Variants in STX3 observed in about 807,000 individuals in gnomAD.
STX3 encodes the protein syntaxin-3.
Under a neutral mutation model 40.2 loss-of-function variants are expected in STX3, and 19 were observed. The observed-to-expected ratio is 0.47, with a 90% CI of 0.33 to 0.69. The LOEUF (loss-of-function observed/expected upper bound fraction) is 0.69, where lower values mean the gene tolerates loss of function less well. STX3 is among the 30% of genes least tolerant of loss of function. STX3 has a pLI of 0.02. For missense variants in STX3, 364 were observed against 366.7 expected (o/e 0.99, Z 0.06); for synonymous variants, 122 against 132.2 (o/e 0.92, Z 0.53).
chr11:59,772,233 A>G (rs1863692842), intron 1 of STX3, among the ~76,000 whole-genome samples: 1 of 152,222 alleles, frequency 6.6e-6, no homozygotes, highest in African/African-American at 2.4e-5. Flanking sequence ...ACCTTTCACA[A>G]CAGTCAGTTC....
At chr11:59,781,644 A>G (rs1864389129) in intron 2 of STX3, 35 of 1,612,708 alleles carry the variant, frequency 2.2e-5, no homozygotes, top group Non-Finnish European at 2.9e-5. Flanking sequence ...TCCCACTCCT[A>G]GCTCCTTCAT....
At chr11:59,793,809 T>G (rs74752977) in intron 8 of STX3, among the ~76,000 whole-genome samples, 14,887 of 145,354 alleles carry the variant, frequency 0.1, 973 homozygotes, top group African/African-American at 0.19. Context: ...GATTTTTGAT[T>G]TTTTTTTTTT....
In STX3 at chr11:59,803,412, A is replaced by G; in HGVS notation, c.*2588A>G. On this transcript the variant is annotated 3_prime_UTR_variant, in exon 11 of 11. Transcript: ENST00000337979. ...GTGGGATTAGGTGCTAATAATGGTT[A>G]GAGAAAACTAAAGAAAGGGATGTTT... is the stretch of plus-strand genomic sequence containing the variant. 3.6e-6 allele frequency: 2 copies of G among 560,238 alleles called. No individual in the cohort carries two copies. The highest frequency in any genetic ancestry group is 5.3e-6 in the Non-Finnish European group (2 of 375,300). 34.7% of individuals were successfully genotyped at this position (560,238 alleles called of 1,614,324 possible).
At chr11:59,796,613 A>C (rs981723185) in intron 9 of STX3, among the ~76,000 whole-genome samples, 2 of 152,200 alleles carry the variant, frequency 1.3e-5, no homozygotes, top group African/African-American at 4.8e-5. Flanking sequence ...GAACTCTATC[A>C]AAAATGCCTT....
chr11:59,793,300 C>T (rs962980444), intron 7 of STX3, 80 bp from the exon 8 acceptor site: 9 of 1,604,700 alleles, frequency 5.6e-6, no homozygotes, highest in Admixed American at 1.7e-5. Flanking sequence ...AAGGAGCTCC[C>T]CAGGAGCGTG....
chr11:59,791,429 AT>A, intron 5 of STX3, among the ~76,000 whole-genome samples: 1 of 152,206 alleles, frequency 6.6e-6, no homozygotes, highest in South Asian at 2.1e-4. Flanking sequence ...TATTAGGAGG[AT>A]TATTATGGTA....
intron 2 of STX3, among the ~76,000 whole-genome samples, chr11:59,783,383 C>G (rs1864543162): frequency 6.6e-6 from 1 of 152,132 alleles, no homozygotes; most frequent in Non-Finnish European, 1.5e-5. Flanking sequence ...TGCAGTATAA[C>G]CTGGAGTAAA....
intron 3 of STX3, among the ~76,000 whole-genome samples, chr11:59,788,551 G>T (rs1590810363): frequency 6.6e-6 from 1 of 151,860 alleles, no homozygotes; most frequent in East Asian, 1.9e-4. Context: ...AGCTCCCGTG[G>T]TAGGCTCTTT....
intron 2 of STX3, among the ~76,000 whole-genome samples, chr11:59,784,676 C>T (rs1360211280): frequency 6.6e-6 from 1 of 152,182 alleles, no homozygotes; most frequent in Non-Finnish European, 1.5e-5. Context: ...TGCAGGGAAA[C>T]TCCTGTTTTT....
At chr11:59,756,129 C>A (rs1862703820) in intron 1 of STX3, among the ~76,000 whole-genome samples, 1 of 152,118 alleles carries the variant, frequency 6.6e-6, no homozygotes, top group South Asian at 2.1e-4. Context: ...CCTCTCCAAC[C>A]GGTGGTCTGT....
At chr11:59,796,536 C>G (rs539599719) in intron 9 of STX3, among the ~76,000 whole-genome samples, 7 of 152,246 alleles carry the variant, frequency 4.6e-5, no homozygotes, top group Admixed American at 4.6e-4. Context: ...GGCTGGGTGG[C>G]ATTTTCTGAT....
rs541122548 is a variant in STX3 at position 59,800,714 on chromosome 11, C to A, written c.*31-141C>A. 6.4e-5 allele frequency: 94 copies of A among 1,464,694 alleles called. No individual in the cohort carries two copies. In the African/African-American group the frequency reaches 1.3e-3, roughly 20 times the overall value. The allele number at this position is 1,464,694 out of a possible 1,614,324, so 90.7% of individuals were successfully genotyped here. On this transcript the variant is annotated intron_variant, in intron 10 of 10. Transcript: ENST00000337979. ...TCTTTGTACAGTGGGATATTTAACT[C>A]CAAGTTCTGTCCTGGGTTTGTCTAT...
At chr11:59,758,026 C>T (rs1208561892) in intron 1 of STX3, among the ~76,000 whole-genome samples, 1 of 152,200 alleles carries the variant, frequency 6.6e-6, no homozygotes, top group South Asian at 2.1e-4. Context: ...CCTATGCAAT[C>T]TCTTTCTGTG....
At chr11:59,772,402 T>C (rs1168342708) in intron 1 of STX3, among the ~76,000 whole-genome samples, 3 of 152,208 alleles carry the variant, frequency 2.0e-5, no homozygotes, top group African/African-American at 7.2e-5. Flanking sequence ...TTGAATGAGA[T>C]TGAGAAAGCT....
chr11:59,773,012 C>T (rs926591627), intron 1 of STX3, among the ~76,000 whole-genome samples, 199 bp from the exon 2 acceptor site: 4 of 151,132 alleles, frequency 2.6e-5, no homozygotes, highest in African/African-American at 7.3e-5. Context: ...CACACACACA[C>T]AACCCAGCAA....
chr11:59,757,777 A>G (rs1182752953), intron 1 of STX3, among the ~76,000 whole-genome samples: 1 of 152,146 alleles, frequency 6.6e-6, no homozygotes, highest in Non-Finnish European at 1.5e-5. Flanking sequence ...CCTCCTTTAT[A>G]CAACAAAGAA....
At chr11:59,767,379 C>A (rs1424260271) in intron 1 of STX3, among the ~76,000 whole-genome samples, 2 of 152,128 alleles carry the variant, frequency 1.3e-5, no homozygotes, top group Non-Finnish European at 2.9e-5. Context: ...GTTCCTATTA[C>A]CAGATATGTT....
chr11:59,773,977 C>CAAAAAAAA (rs5792160), intron 2 of STX3, among the ~76,000 whole-genome samples: 3 of 81,248 alleles, frequency 3.7e-5, no homozygotes, highest in Non-Finnish European at 5.2e-5. Flanking sequence ...CTCACACACA[C>CAAAAAAAA]AAAAAAAAAA....
chr11:59,776,995 A>G (rs555553054), intron 2 of STX3, among the ~76,000 whole-genome samples: 13 of 152,366 alleles, frequency 8.5e-5, no homozygotes, highest in South Asian at 6.2e-4. Flanking sequence ...TCGTTTATCT[A>G]TTCATCAAAG....
Sources: allele counts gnomAD v4.1 joint callset (sites outside exome capture counted in the v4.1 genomes callset), GRCh38; gene constraint gnomAD v4.1.1; transcripts MANE v1.5; gene names NCBI Gene and HGNC (gene_info 2026-07-23, HGNC 2026-07-21).